Variants in HNRNPUL1 observed in about 807,000 individuals in gnomAD.
The protein encoded by HNRNPUL1 is heterogeneous nuclear ribonucleoprotein U like 1, also known as heterogeneous nuclear ribonucleoprotein U-like protein 1.
HNRNPUL1 carries 14 observed loss-of-function variants against 108.5 expected under a neutral mutation model. The observed-to-expected ratio is 0.13, with a 90% CI of 0.09 to 0.20. HNRNPUL1 has a LOEUF of 0.20. HNRNPUL1 is among the 10% of genes least tolerant of loss of function. The pLI is 1.00. For synonymous variants in HNRNPUL1, 422 were observed against 445.2 expected (o/e 0.95, Z 0.66); for missense variants, 804 against 1,168.3 (o/e 0.69, Z 4.55).
chr19:41,293,417 C>T (rs1416061243), intron 8 of HNRNPUL1, among the ~76,000 whole-genome samples: 1 of 152,152 alleles, frequency 6.6e-6, no homozygotes, highest in East Asian at 1.9e-4. Flanking sequence ...ATAAAAACCT[C>T]TCTTTGAACA....
Position 41,302,214 on chromosome 19 carries a change from GT to G in HNRNPUL1, c.1688-430del, listed in dbSNP as rs58368849. Among the ~76,000 whole-genome samples the G allele has an allele frequency of 9.0e-4, 83 of 92,432 alleles. 1 individual carries two copies. The highest frequency in any genetic ancestry group is 3.1e-3 in the South Asian group (7 of 2,224). 60.6% of individuals were successfully genotyped at this position (92,432 alleles called of 152,430 possible). A position where few individuals can be genotyped will look rare whatever the true frequency, so the allele number is the denominator to read the frequency against. ...TGTCTACCTCTTTCTCTCTCTCTCT[GT>G]TTTTTTTTTTTTTTTTTTTTGGAGA... On this transcript the variant is annotated intron_variant, in intron 11 of 14. Coordinates refer to ENST00000392006, the MANE Select transcript of HNRNPUL1 (RefSeq NM_007040.6).
chr19:41,280,433 T>G (rs868775409), intron 6 of HNRNPUL1, among the ~76,000 whole-genome samples: 1 of 152,168 alleles, frequency 6.6e-6, no homozygotes, highest in East Asian at 1.9e-4. Flanking sequence ...GTGTTAGCAC[T>G]TTTTATTTAA....
At chr19:41,271,314 A>T (rs1388699692) in intron 2 of HNRNPUL1, among the ~76,000 whole-genome samples, 3 of 152,190 alleles carry the variant, frequency 2.0e-5, no homozygotes, top group South Asian at 2.1e-4. Flanking sequence ...TTATCCACAG[A>T]CATTCATCAG....
At chr19:41,296,462 G>A (rs922480203) in intron 10 of HNRNPUL1, among the ~76,000 whole-genome samples, 5 of 152,230 alleles carry the variant, frequency 3.3e-5, no homozygotes, top group Non-Finnish European at 7.3e-5. Context: ...CCTAAACTCT[G>A]AAGGCTGGGG....
chr19:41,265,075 G>C (rs1599754851), intron 1 of HNRNPUL1: 3 of 1,416,982 alleles, frequency 2.1e-6, no homozygotes, highest in Non-Finnish European at 2.7e-6. Context: ...AGGGATCGGA[G>C]ACCGGAAACT....
At chr19:41,306,092 G>C (rs906181543) in intron 14 of HNRNPUL1, among the ~76,000 whole-genome samples, 71 of 152,178 alleles carry the variant, frequency 4.7e-4, no homozygotes, top group Non-Finnish European at 7.3e-5. Flanking sequence ...AAGGGGAAGG[G>C]CTGGCCTAAG....
At chr19:41,299,632 G>A (rs779719527) in intron 10 of HNRNPUL1, among the ~76,000 whole-genome samples, 1 of 152,116 alleles carries the variant, frequency 6.6e-6, no homozygotes, top group South Asian at 2.1e-4. Flanking sequence ...GCCAGGACGA[G>A]GGTGATGATC....
intron 7 of HNRNPUL1, among the ~76,000 whole-genome samples, chr19:41,287,949 C>T (rs2036341700): frequency 6.6e-6 from 1 of 151,932 alleles, no homozygotes; most frequent in South Asian, 2.1e-4. Flanking sequence ...ATTTTTTTCC[C>T]ATTGAAGAGT....
chr19:41,281,017 C>T, intron 6 of HNRNPUL1, 146 bp from the exon 7 acceptor site: 1 of 600,860 alleles, frequency 1.7e-6, no homozygotes, highest in Non-Finnish European at 3.0e-6. Flanking sequence ...TTTCACCCTT[C>T]CCCACCCCTA....
chr19:41,272,743 A>G (rs2035319755), intron 3 of HNRNPUL1, among the ~76,000 whole-genome samples: 1 of 152,172 alleles, frequency 6.6e-6, no homozygotes, highest in Admixed American at 6.5e-5. Flanking sequence ...CTAGTAAGCC[A>G]CAACCTCTGA....
intron 11 of HNRNPUL1, chr19:41,302,343 C>T (rs1599853688): frequency 2.7e-6 from 1 of 373,124 alleles, no homozygotes; most frequent in South Asian, 2.1e-5. Flanking sequence ...CTCAGCCTCC[C>T]GAGTAGCTGG....
chr19:41,302,214 G>GTTTTTTTTTT lies in HNRNPUL1; in HGVS notation c.1688-439_1688-430dup, dbSNP rs58368849. ...TGTCTACCTCTTTCTCTCTCTCTCTGTTTTTTTTTTTTTTTTTTTTTGGAG... is the reference window on the plus strand; with the variant it reads ...TGTCTACCTCTTTCTCTCTCTCTCTGTTTTTTTTTTTTTTTTTTTTTTTTTTTTTTTGGAG... On this transcript the variant is annotated intron_variant, in intron 11 of 14. Transcript: ENST00000392006. Among the ~76,000 whole-genome samples the GTTTTTTTTTT allele has an allele frequency of 7.6e-5, 7 of 92,430 alleles. 1 individual carries two copies. The highest frequency in any genetic ancestry group is 4.5e-4 in the South Asian group (1 of 2,236). The allele number at this position is 92,430 out of a possible 152,430, so 60.6% of individuals were successfully genotyped here.
intron 4 of HNRNPUL1, among the ~76,000 whole-genome samples, chr19:41,275,475 G>A (rs1045448772): frequency 2.0e-5 from 3 of 151,790 alleles, no homozygotes; most frequent in African/African-American, 7.3e-5. Context: ...GTGACAAAGC[G>A]AGACCTTGTC....
intron 10 of HNRNPUL1, among the ~76,000 whole-genome samples, chr19:41,300,006 G>A (rs900474753): frequency 2.4e-4 from 37 of 152,052 alleles, no homozygotes; most frequent in Admixed American, 1.7e-3. Context: ...CATCCATGCC[G>A]TTTTCCCTTT....
At chr19:41,275,309 C>T (rs1001441482) in intron 4 of HNRNPUL1, among the ~76,000 whole-genome samples, 3 of 151,992 alleles carry the variant, frequency 2.0e-5, no homozygotes, top group African/African-American at 7.3e-5. Context: ...GGTAACATGG[C>T]GAAACCCTGT....
At chr19:41,268,177 T>G in intron 1 of HNRNPUL1, 46 bp from the exon 2 acceptor site, 1 of 1,603,156 alleles carries the variant, frequency 6.2e-7, no homozygotes, top group Non-Finnish European at 8.5e-7. Context: ...TCCAGGGTTC[T>G]TCATGAACCG....
At chr19:41,299,816 C>G (rs1053372780) in intron 10 of HNRNPUL1, among the ~76,000 whole-genome samples, 1 of 152,004 alleles carries the variant, frequency 6.6e-6, no homozygotes, top group Admixed American at 6.6e-5. Context: ...TCACTATAAG[C>G]TTAACCTTTT....
intron 2 of HNRNPUL1, among the ~76,000 whole-genome samples, chr19:41,270,800 T>G (rs927903915): frequency 6.6e-6 from 1 of 152,222 alleles, no homozygotes; most frequent in South Asian, 2.1e-4. Flanking sequence ...TTTCACCATG[T>G]TGGCCAGGAT....
chr19:41,269,302 C>A (rs550490808), intron 2 of HNRNPUL1, among the ~76,000 whole-genome samples: 1 of 151,096 alleles, frequency 6.6e-6, no homozygotes, highest in African/African-American at 2.4e-5. Flanking sequence ...CCCTTCTCTA[C>A]AAAAAATTTA....
Sources: gnomAD v4.1 joint callset for allele counts (sites outside exome capture counted in the v4.1 genomes callset) on GRCh38, gnomAD v4.1.1 for gene constraint, MANE v1.5 for transcripts, NCBI Gene and HGNC (gene_info 2026-07-23, HGNC 2026-07-21) for gene names.